CPXM2: variants seen among roughly 807,000 people sequenced by gnomAD.
CPXM2 encodes inactive carboxypeptidase-like protein X2.
CPXM2 carries 66 observed loss-of-function variants against 86.1 expected under a neutral mutation model. That is an observed-to-expected ratio of 0.77 (90% CI 0.63 to 0.94). The LOEUF (loss-of-function observed/expected upper bound fraction) is 0.94. CPXM2 is among the 40% of genes least tolerant of loss of function. The pLI is 0.00. For synonymous variants in CPXM2, 388 were observed against 400.2 expected (o/e 0.97, Z 0.36); for missense variants, 948 against 1,026.3 (o/e 0.92, Z 1.04).
chr10:123,887,958 C>T (rs1261950643), intron 1 of CPXM2, among the ~76,000 whole-genome samples: 1 of 152,158 alleles, frequency 6.6e-6, no homozygotes, highest in Admixed American at 6.5e-5. Flanking sequence ...TCTCTGGAAA[C>T]CTGTTAGCCA....
At chr10:123,924,747 TG>T (rs1945609574) in intron 2 of CPXM2, among the ~76,000 whole-genome samples, 1 of 152,168 alleles carries the variant, frequency 6.6e-6, no homozygotes, top group Non-Finnish European at 1.5e-5. Flanking sequence ...TTGGTCTTTC[TG>T]GTAACCAGAC....
chr10:123,764,597 C>T (rs539210831), intron 10 of CPXM2, among the ~76,000 whole-genome samples: 1 of 152,200 alleles, frequency 6.6e-6, no homozygotes, highest in South Asian at 2.1e-4. Context: ...AGCGATCCTC[C>T]TACCTCAGCC....
chr10:123,866,547 A>T (rs929054752), intron 2 of CPXM2, among the ~76,000 whole-genome samples: 1 of 147,392 alleles, frequency 6.8e-6, no homozygotes, highest in African/African-American at 2.6e-5. Context: ...CCTGGGCTAC[A>T]CAGTGAGACA....
upstream of CPXM2, among the ~76,000 whole-genome samples, chr10:123,941,415 G>A (rs1446367965): frequency 1.3e-5 from 2 of 152,120 alleles, no homozygotes; most frequent in Non-Finnish European, 2.9e-5. Flanking sequence ...CGCCTCCTGT[G>A]TCTGTCTCTG....
In CPXM2 at chr10:123,835,249, G is replaced by A. The variant is rs141418761; in HGVS notation, c.653+7100C>T. 1.1e-4 allele frequency among the ~76,000 whole-genome samples: 16 copies of A among 152,196 alleles called. No individual in the cohort carries two copies. The South Asian group carries it at 1.2e-3, about 12-fold the overall frequency. ...GCAACCATCTGGGGGGTTTCCTGGG[G>A]AGTCACACCTGGGGAACAAGGACCC... On this transcript the variant is annotated intron_variant, in intron 4 of 13. Transcript: ENST00000241305.
chr10:123,875,354 G>A (rs571315117), intron 2 of CPXM2, among the ~76,000 whole-genome samples: 23 of 152,130 alleles, frequency 1.5e-4, no homozygotes, highest in Non-Finnish European at 2.6e-4. Context: ...CTGTCAAGAG[G>A]GGTGTGACTC....
At chr10:123,797,059 T>C (rs953151909) in intron 6 of CPXM2, among the ~76,000 whole-genome samples, 2 of 152,272 alleles carry the variant, frequency 1.3e-5, no homozygotes, top group African/African-American at 4.8e-5. Flanking sequence ...CAGAGCAGCC[T>C]GTGCAGAGAA....
At chr10:123,785,743 C>T (rs1196371529) in intron 6 of CPXM2, among the ~76,000 whole-genome samples, 1 of 151,990 alleles carries the variant, frequency 6.6e-6, no homozygotes, top group African/African-American at 2.4e-5. Flanking sequence ...CGCCATTCTC[C>T]TGTCTCAGCC....
In CPXM2 at chr10:123,842,493, A is replaced by T. The variant is rs1379874966; in HGVS notation, c.514-5T>A. ...ATCATTTTCATTAATGCCCGCCTAG[A>T]AAGAAAGAAAGCGGTGTTCTTCAAA... On this transcript the variant is annotated splice_region_variant and splice_polypyrimidine_tract_variant and intron_variant, in intron 3 of 13. Transcript: ENST00000241305. 1 of 1,612,738 alleles carries T rather than the reference A, an allele frequency of 6.2e-7. No individual in the cohort carries two copies. The highest frequency in any genetic ancestry group is 1.3e-5 in the African/African-American group (1 of 74,922).
chr10:123,850,428 T>A (rs1848575755), intron 3 of CPXM2, among the ~76,000 whole-genome samples: 1 of 152,198 alleles, frequency 6.6e-6, no homozygotes, highest in African/African-American at 2.4e-5. Flanking sequence ...AAATAACCAA[T>A]TTATAAACTG....
intron 2 of CPXM2, among the ~76,000 whole-genome samples, chr10:123,931,880 T>C (rs1945669450): frequency 6.6e-6 from 1 of 152,216 alleles, no homozygotes; most frequent in South Asian, 2.1e-4. Context: ...GCGAGGAATG[T>C]CAGGCAGTGA....
intron 2 of CPXM2, among the ~76,000 whole-genome samples, chr10:123,928,190 A>G (rs922190695): frequency 6.6e-6 from 1 of 152,230 alleles, no homozygotes; most frequent in Non-Finnish European, 1.5e-5. Flanking sequence ...GGAGGCCACC[A>G]GAGAGCTTTG....
chr10:123,820,518 G>A (rs1847902936), intron 4 of CPXM2, among the ~76,000 whole-genome samples: 1 of 152,218 alleles, frequency 6.6e-6, no homozygotes, highest in Non-Finnish European at 1.5e-5. Context: ...TCTGAGAGCT[G>A]TATGAATTCC....
intron 4 of CPXM2, among the ~76,000 whole-genome samples, chr10:123,811,963 A>G (rs937266884): frequency 2.0e-5 from 3 of 152,230 alleles, no homozygotes; most frequent in Non-Finnish European, 4.4e-5. Flanking sequence ...GTTTCACAAT[A>G]AAAACCTTAA....
At chr10:123,807,833 T>G (rs1161020849) in intron 4 of CPXM2, among the ~76,000 whole-genome samples, 1 of 152,226 alleles carries the variant, frequency 6.6e-6, no homozygotes, top group Non-Finnish European at 1.5e-5. Context: ...AGGGAAAGTT[T>G]AAAAACCATG....
At position 123,836,827 on chromosome 10, in the gene CPXM2, C is replaced by G. The variant is rs1230936963; in HGVS notation, c.653+5522G>C. ...GTGAGCCCCTGCCCCAGTTTCAGCC[C>G]CTCAGGGACCTGCCCCATTAGCCAC... On this transcript the variant is annotated intron_variant, in intron 4 of 13. Coordinates refer to ENST00000241305, the MANE Select transcript of CPXM2 (RefSeq NM_198148.3). Among the ~76,000 whole-genome samples, 3 of 152,214 alleles carry G rather than the reference C, an allele frequency of 2.0e-5. No homozygotes were observed. The South Asian group carries it at 6.2e-4, about 32-fold the overall frequency.
chr10:123,825,634 C>T (rs1019323108), intron 4 of CPXM2, among the ~76,000 whole-genome samples: 5 of 152,192 alleles, frequency 3.3e-5, no homozygotes, highest in African/African-American at 7.2e-5. Context: ...CCCATCTGTC[C>T]TTGTCTCCAT....
At chr10:123,888,646 T>G (rs1329000505) in intron 1 of CPXM2, among the ~76,000 whole-genome samples, 1 of 152,220 alleles carries the variant, frequency 6.6e-6, no homozygotes, top group African/African-American at 2.4e-5. Context: ...CCTAACTAAG[T>G]TCACGCTTAA....
upstream of CPXM2, chr10:123,892,096 G>A (rs553911779): frequency 6.6e-6 from 1 of 152,384 alleles, no homozygotes; most frequent in East Asian, 1.9e-4. Flanking sequence ...TGTTTTACAG[G>A]TGGAGAAACG....
Sources: gnomAD v4.1 joint callset for allele counts (sites outside exome capture counted in the v4.1 genomes callset) on GRCh38, gnomAD v4.1.1 for gene constraint, MANE v1.5 for transcripts, NCBI Gene and HGNC (gene_info 2026-07-23, HGNC 2026-07-21) for gene names.